RPS17: variants seen among roughly 807,000 people sequenced by gnomAD.
The protein encoded by RPS17 is ribosomal protein S17.
For synonymous variants in RPS17, 75 were observed against 65.6 expected, an observed-to-expected ratio of 1.14 and a Z score of -0.70; for missense variants, 68 against 182.3, an observed-to-expected ratio of 0.37 and a Z score of 3.61.
intron 2 of RPS17, chr15:82,539,662 C>G (rs1429641720): frequency 4.5e-6 from 2 of 442,938 alleles, no homozygotes; most frequent in Non-Finnish European, 8.3e-6. Flanking sequence ...GCACTCTAGC[C>G]TGGGCGCCAG....
At chr15:82,539,603 C>A in intron 2 of RPS17, 1 of 410,214 alleles carries the variant, frequency 2.4e-6, no homozygotes, top group East Asian at 6.3e-5. Context: ...GCATGACAAT[C>A]GCTTGAACCC....
At chr15:82,537,988 A>C in intron 4 of RPS17, 1 of 477,196 alleles carries the variant, frequency 2.1e-6, no homozygotes, top group Non-Finnish European at 4.2e-6. Context: ...GCCTTCACAG[A>C]AGAAAAGCAG....
Position 82,537,167 on chromosome 15 carries a change from T to C in RPS17, c.328-286A>G, listed in dbSNP as rs1327725931. 3 of 521,242 alleles carry C rather than the reference T, an allele frequency of 5.8e-6. No individual in the cohort carries two copies. In the Admixed American group the frequency reaches 9.6e-5, roughly 17 times the overall value. The allele number at this position is 521,242 out of a possible 1,614,324, so 32.3% of individuals were successfully genotyped here. ...TTCACAACCCCTTCCTATCAATCAC[T>C]CTAAAACACCGTTTCTCAATCTTGG... is the stretch of plus-strand genomic sequence containing the variant. On this transcript the variant is annotated intron_variant, in intron 4 of 4. Transcript: ENST00000647841.
intron 4 of RPS17, chr15:82,537,655 G>A: frequency 2.8e-6 from 1 of 357,108 alleles, no homozygotes; most frequent in Non-Finnish European, 5.5e-6. Context: ...AGGAAGAAAA[G>A]ACCCACAGCG....
chr15:82,539,486 G>C (rs1291905079), intron 2 of RPS17: 7 of 458,414 alleles, frequency 1.5e-5, no homozygotes, highest in Admixed American at 1.4e-4. Flanking sequence ...TCAGGTGTTC[G>C]AGACCAGCCT....
chr15:82,540,224 G>A (rs1296478476), intron 1 of RPS17, 92 bp from the exon 2 acceptor site: 1 of 1,609,844 alleles, frequency 6.2e-7, no homozygotes, highest in Non-Finnish European at 8.5e-7. Flanking sequence ...GTTGGGGACC[G>A]CCGGCTGCGC....
intron 4 of RPS17, chr15:82,537,245 T>A: frequency 2.7e-6 from 1 of 371,766 alleles, no homozygotes; most frequent in Non-Finnish European, 5.1e-6. Context: ...CTGTACTGTG[T>A]ATTGCAGAAA....
At chr15:82,540,261 G>C (rs1014180374) in intron 1 of RPS17, 129 bp from the exon 2 acceptor site, 1 of 1,602,870 alleles carries the variant, frequency 6.2e-7, no homozygotes, top group Non-Finnish European at 8.5e-7. Flanking sequence ...CGGCTAAACA[G>C]TGCCGGGCGC....
At chr15:82,538,281 C>T in intron 4 of RPS17, 25 bp downstream of exon 4, 2 of 1,613,214 alleles carry the variant, frequency 1.2e-6, no homozygotes, top group Admixed American at 1.7e-5. Context: ...GAAAATACCA[C>T]TTTAGGAATC....
chr15:82,537,865 A>G (rs1308790921), intron 4 of RPS17: 3 of 456,158 alleles, frequency 6.6e-6, no homozygotes, highest in African/African-American at 2.0e-5. Flanking sequence ...CCATAGAAAA[A>G]ACATCAAAGT....
chr15:82,537,200 G>C, intron 4 of RPS17: 2 of 457,836 alleles, frequency 4.4e-6, no homozygotes, highest in Non-Finnish European at 8.1e-6. Context: ...TGGCAACGTA[G>C]ACATCCTGGG....
chr15:82,536,847 T>C lies in RPS17; in HGVS notation c.362A>G (p.Gln121Arg). 1.9e-6 allele frequency: 3 copies of C among 1,613,986 alleles called. No homozygotes were observed. Among genetic ancestry groups the C allele is most frequent in the Non-Finnish European group, 1.7e-6 (2 of 1,179,868 alleles). ...TTTGAAATTCATCCCAACTGTAGGC[T>C]GAGTGACCTGAAGGTTGGACAGACT... is the stretch of plus-strand genomic sequence containing the variant. ...FGSLSNLQVT[Q>R]PTVGMNFKTP... Residue 121 changes from glutamine (Q) to arginine (R), a missense_variant, in exon 5 of 5, where the codon CAG (glutamine) becomes CGG (arginine). By Grantham distance (43) the Gln-to-Arg change is conservative (BLOSUM62 1). Coordinates refer to ENST00000647841, the MANE Select transcript of RPS17 (RefSeq NM_001021.6).
Position 82,540,412 on chromosome 15 carries a change from G to A in RPS17, c.3+14C>T. Reference sequence around the variant, plus strand: ...CGATTGTGGAGGATGGCGGCCTCGAGCCAAAACACCTACCATGTTGGCGGG... The same window carrying A: ...CGATTGTGGAGGATGGCGGCCTCGAACCAAAACACCTACCATGTTGGCGGG... On this transcript the variant is annotated intron_variant, in intron 1 of 4. Coordinates refer to ENST00000647841, the MANE Select transcript of RPS17 (RefSeq NM_001021.6). The A allele has an allele frequency of 1.9e-6, 3 of 1,595,558 alleles. No individual in the cohort carries two copies. The highest frequency in any genetic ancestry group is 2.6e-6 in the Non-Finnish European group (3 of 1,172,318).
intron 3 of RPS17, 82 bp downstream of exon 3, chr15:82,538,798 G>T: frequency 7.1e-7 from 1 of 1,417,478 alleles, no homozygotes; most frequent in African/African-American, 1.4e-5. Context: ...CTCAGATTCA[G>T]CTGAGGTCCC....
intron 1 of RPS17, 58 bp downstream of exon 1, chr15:82,540,368 G>A: frequency 1.9e-6 from 3 of 1,587,732 alleles, no homozygotes; most frequent in Admixed American, 1.9e-5. Context: ...GAGGACCGCG[G>A]GAAGCTGCAG....
intron 2 of RPS17, 23 bp downstream of exon 2, chr15:82,539,958 A>T (rs1021826277): frequency 1.8e-5 from 29 of 1,611,908 alleles, no homozygotes; most frequent in Non-Finnish European, 2.5e-5. Flanking sequence ...GGAGCCCCGG[A>T]GGCCGAGGAA....
intron 2 of RPS17, chr15:82,539,229 G>GCCCCCC: frequency 1.7e-6 from 1 of 592,740 alleles, no homozygotes; most frequent in South Asian, 1.6e-5. Flanking sequence ...CCCCCAACTC[G>GCCCCCC]CCCCGCCCCG....
At chr15:82,537,876 G>A in intron 4 of RPS17, 4 of 456,402 alleles carry the variant, frequency 8.8e-6, no homozygotes, top group Non-Finnish European at 1.8e-5. Context: ...ACATCAAAGT[G>A]CAATGAAGAT....
rs1465275217 is a variant in RPS17 at position 82,537,665 on chromosome 15, G to A, written c.327+641C>T. 73 of 358,656 alleles carry A rather than the reference G, an allele frequency of 2.0e-4. 1 individual carries two copies. Among genetic ancestry groups the A allele is most frequent in the Non-Finnish European group, 2.0e-4 (37 of 183,998 alleles). 22.2% of individuals were successfully genotyped at this position (358,656 alleles called of 1,614,324 possible). A position where few individuals can be genotyped will look rare whatever the true frequency, so the allele number is the denominator to read the frequency against. On this transcript the variant is annotated intron_variant, in intron 4 of 4. Coordinates refer to ENST00000647841, the MANE Select transcript of RPS17 (RefSeq NM_001021.6). ...ATTTCAGGAAGAAAAGACCCACAGC[G>A]GGGCTGTAGCTGTACTGGTGATGTT...
Sources: allele counts gnomAD v4.1 joint callset, GRCh38; gene constraint gnomAD v4.1.1; transcripts MANE v1.5; gene names NCBI Gene and HGNC (gene_info 2026-07-23, HGNC 2026-07-21).